COL19A1: variants seen among roughly 807,000 people sequenced by gnomAD.
The protein encoded by COL19A1 is collagen type XIX alpha 1 chain, also known as collagen alpha-1(XIX) chain.
COL19A1 carries 159 observed loss-of-function variants against 190.2 expected under a neutral mutation model. The observed-to-expected ratio is 0.84, with a 90% CI of 0.73 to 0.95. COL19A1 has a LOEUF of 0.95. Ranked by LOEUF, COL19A1 falls within the 40% of genes least tolerant of loss-of-function variation. COL19A1 has a pLI of 0.00. For synonymous variants in COL19A1, 509 were observed against 458.9 expected (o/e 1.11, Z -1.39); for missense variants, 1,418 against 1,431.9 (o/e 0.99, Z 0.16).
At chr6:69,973,633 CAG>C (rs10600241) in intron 11 of COL19A1, among the ~76,000 whole-genome samples, 84,513 of 151,724 alleles carry the variant, frequency 0.56, 24,217 homozygotes, top group East Asian at 0.72. Context: ...TTAAGAAAAA[CAG>C]AATAGATTTA....
chr6:69,996,938 G>GTATA (rs141098743), intron 11 of COL19A1, among the ~76,000 whole-genome samples: 1 of 143,352 alleles, frequency 7.0e-6, no homozygotes. Context: ...GTGTGTGTGT[G>GTATA]TATATATATG....
intron 12 of COL19A1, among the ~76,000 whole-genome samples, chr6:70,027,557 CTGTG>C (rs10585617): frequency 0.033 from 4,944 of 150,118 alleles, 185 homozygotes; most frequent in African/African-American, 0.09. Context: ...TGTATCTTAA[CTGTG>C]TGTGTGTGTG....
At chr6:69,990,245 A>G (rs1005946277) in intron 11 of COL19A1, among the ~76,000 whole-genome samples, 4 of 152,100 alleles carry the variant, frequency 2.6e-5, no homozygotes, top group African/African-American at 9.7e-5. Flanking sequence ...TATTATTTTG[A>G]GGCAATCCCA....
rs775910666 is a variant in COL19A1, at chr6:69,938,083, G to C, written c.919G>C (p.Gly307Arg). 97 of 1,612,556 alleles carry C rather than the reference G, an allele frequency of 6.0e-5. No homozygotes were observed. Among genetic ancestry groups the C allele is most frequent in the Non-Finnish European group, 8.1e-5 (95 of 1,179,138 alleles). The change falls in exon 9 of 51, where the codon GGG (glycine) becomes CGG (arginine). Residue 307 changes from glycine to arginine, a missense_variant. Coordinates refer to ENST00000620364, the MANE Select transcript of COL19A1 (RefSeq NM_001858.6). ...PGAPGSPGQK[G>R]HKGEPGENGL... Reference sequence around the variant, plus strand: ...AGCTCCGGGTTCACCTGGGCAGAAAGGGCATAAAGGAGAGCCGGTAAGAAA... The same window carrying C: ...AGCTCCGGGTTCACCTGGGCAGAAACGGCATAAAGGAGAGCCGGTAAGAAA...
At chr6:69,924,480 A>G (rs1772220262) in intron 4 of COL19A1, among the ~76,000 whole-genome samples, 2 of 152,000 alleles carry the variant, frequency 1.3e-5, no homozygotes, top group African/African-American at 4.8e-5. Context: ...TATGTGCCAC[A>G]TTTTCTTAAT....
chr6:69,973,034 G>A (rs904072352), intron 11 of COL19A1, among the ~76,000 whole-genome samples: 2 of 152,156 alleles, frequency 1.3e-5, no homozygotes, highest in African/African-American at 4.8e-5. Flanking sequence ...AAATATGAAA[G>A]TTTGGGGTCA....
chr6:70,090,348 A>G (rs907526429), intron 15 of COL19A1, among the ~76,000 whole-genome samples: 7 of 152,156 alleles, frequency 4.6e-5, no homozygotes, highest in African/African-American at 1.4e-4. Flanking sequence ...TTTGGTCATT[A>G]TTCCCCAAAC....
At chr6:70,010,308 T>C (rs1400864314) in intron 11 of COL19A1, among the ~76,000 whole-genome samples, 2 of 152,114 alleles carry the variant, frequency 1.3e-5, no homozygotes, top group Non-Finnish European at 1.5e-5. Context: ...TTGTTCAACA[T>C]GATTAGTCAT....
Position 69,981,669 on chromosome 6 carries a change from A to C in COL19A1, c.1026+18799A>C, listed in dbSNP as rs555870727. On this transcript the variant is annotated intron_variant, in intron 11 of 50. Coordinates refer to ENST00000620364, the MANE Select transcript of COL19A1 (RefSeq NM_001858.6). ...ATATATATTCTTCATATTTAAAAAA[A>C]CATTTAACATTCATAAATTTTGTAT... Among the ~76,000 whole-genome samples the C allele has an allele frequency of 2.6e-5, 4 of 151,940 alleles. No individual in the cohort carries two copies. In the East Asian group the frequency reaches 7.7e-4, roughly 29 times the overall value.
In COL19A1 at chr6:70,210,082, A is replaced by G. The variant is rs1464508358; in HGVS notation, c.*2808A>G. ...CAAAGCAGGGGAGAAGAATTATTCA[A>G]TTTCATGAATAACTCTTGTTTGCAC... On this transcript the variant is annotated 3_prime_UTR_variant, in exon 51 of 51. Transcript: ENST00000620364. 3 of 152,166 alleles carry G rather than the reference A, an allele frequency of 2.0e-5. No individual in the cohort carries two copies. Among genetic ancestry groups the G allele is most frequent in the East Asian group, 1.9e-4 (1 of 5,192 alleles). The allele number at this position is 152,166 out of a possible 1,614,324, so 9.4% of individuals were successfully genotyped here. A position where few individuals can be genotyped will look rare whatever the true frequency, so the allele number is the denominator to read the frequency against.
At chr6:70,184,850 A>C (rs916014254) in intron 45 of COL19A1, 21 bp from the exon 46 acceptor site, 1 of 1,612,370 alleles carries the variant, frequency 6.2e-7, no homozygotes, top group Admixed American at 1.7e-5. Context: ...AGTGATTTTC[A>C]TGTTGACATC....
At chr6:70,130,311 C>A in intron 18 of COL19A1, 88 bp downstream of exon 18, 1 of 1,087,760 alleles carries the variant, frequency 9.2e-7, no homozygotes, top group Non-Finnish European at 1.3e-6. Context: ...CTATAACCTC[C>A]ACCTCCCAGG....
intron 35 of COL19A1, 43 bp downstream of exon 35, chr6:70,161,996 C>T: frequency 6.5e-7 from 1 of 1,539,188 alleles, no homozygotes; most frequent in Non-Finnish European, 8.8e-7. Flanking sequence ...CTTATATCTG[C>T]TGGTTTGATG....
intron 42 of COL19A1, among the ~76,000 whole-genome samples, chr6:70,176,892 A>C (rs3806052): frequency 0.43 from 65,448 of 152,052 alleles, 14,297 homozygotes; most frequent in Middle Eastern, 0.5. Context: ...GTCATATTTC[A>C]AGGTTTCTCA....
At chr6:70,080,765 A>G (rs1339465294) in intron 15 of COL19A1, among the ~76,000 whole-genome samples, 1 of 152,152 alleles carries the variant, frequency 6.6e-6, no homozygotes, top group Non-Finnish European at 1.5e-5. Context: ...CTAATTATGT[A>G]TCGTTTCCAA....
At position 70,200,701 on chromosome 6, in the gene COL19A1, G is replaced by A. The variant is rs141310969; in HGVS notation, c.3223+965G>A. Among the ~76,000 whole-genome samples, 312 of 152,260 alleles carry A rather than the reference G, an allele frequency of 2.0e-3. 3 individuals carry two copies. Among genetic ancestry groups the A allele is most frequent in the Non-Finnish European group, 2.7e-3 (182 of 68,020 alleles). ...TCCTACTGCTATTCTGTAATATTGAGCCTCATTTTCTGAAGTGTCCCAAGG... is the reference window on the plus strand; with the variant it reads ...TCCTACTGCTATTCTGTAATATTGAACCTCATTTTCTGAAGTGTCCCAAGG... On this transcript the variant is annotated intron_variant, in intron 49 of 50. Transcript: ENST00000620364.
At chr6:69,995,688 A>T (rs1004163281) in intron 11 of COL19A1, among the ~76,000 whole-genome samples, 6 of 152,184 alleles carry the variant, frequency 3.9e-5, no homozygotes, top group African/African-American at 9.6e-5. Context: ...AGATCTTAGA[A>T]ATGGTTTGTG....
chr6:70,054,026 A>G (rs748459386), intron 14 of COL19A1, among the ~76,000 whole-genome samples: 3 of 152,170 alleles, frequency 2.0e-5, no homozygotes, highest in Non-Finnish European at 4.4e-5. Context: ...GTCACCAATA[A>G]GTACAAATTG....
chr6:69,988,778 T>A (rs1343251598), intron 11 of COL19A1, among the ~76,000 whole-genome samples: 1 of 152,184 alleles, frequency 6.6e-6, no homozygotes, highest in Non-Finnish European at 1.5e-5. Flanking sequence ...ATCTATAACC[T>A]AAACCTGATA....
Sources: allele counts gnomAD v4.1 joint callset (sites outside exome capture counted in the v4.1 genomes callset), GRCh38; gene constraint gnomAD v4.1.1; transcripts MANE v1.5; gene names NCBI Gene and HGNC (gene_info 2026-07-23, HGNC 2026-07-21).